The following MAP3K13 variants were observed in gnomAD, a reference collection of about 807,000 sequenced individuals.
The protein encoded by MAP3K13 is mitogen-activated protein kinase kinase kinase 13, also known as leucine zipper-bearing kinase.
Under a neutral mutation model 104.0 loss-of-function variants are expected in MAP3K13, and 52 were observed. The ratio of observed to expected loss-of-function variants is 0.50; its 90% CI spans 0.40 to 0.63. MAP3K13 has a LOEUF of 0.63. Ranked by LOEUF, MAP3K13 falls within the 20% of genes least tolerant of loss-of-function variation. The probability of loss-of-function intolerance (pLI) is 0.00; values close to 1 mark genes in which losing one functional copy is unlikely to be tolerated. For synonymous variants in MAP3K13, 394 were observed against 442.2 expected (o/e 0.89, Z 1.37); for missense variants, 914 against 1,218.5 (o/e 0.75, Z 3.72).
chr3:185,306,197 G>A (rs891406955), intron 2 of MAP3K13, among the ~76,000 whole-genome samples: 1 of 152,132 alleles, frequency 6.6e-6, no homozygotes, highest in African/African-American at 2.4e-5. Flanking sequence ...GGGCACCTAG[G>A]TTGATTTCAT....
chr3:185,436,451 A>G (rs886314239), intron 2 of MAP3K13, among the ~76,000 whole-genome samples: 4 of 152,162 alleles, frequency 2.6e-5, no homozygotes, highest in Non-Finnish European at 5.9e-5. Context: ...AAATTGGCCA[A>G]TCCTGGGATT....
chr3:185,418,553 T>C lies in MAP3K13; in HGVS notation c.-85-9944T>C. On this transcript the variant is annotated intron_variant, in intron 1 of 13. Transcript: ENST00000265026. This position sits in a 1 kb window ranked among gnomAD's most constrained non-coding sequence, Gnocchi z 4.5. ...GTCCCACCACCTCGAACTCTGGGAA[T>C]TCGAGCCATAGCTCTGCCAGTACCC... 1 of 1,612,248 alleles carries C rather than the reference T, an allele frequency of 6.2e-7. No individual in the cohort carries two copies. Among genetic ancestry groups the C allele is most frequent in the African/African-American group, 1.3e-5 (1 of 75,010 alleles).
Position 185,465,224 on chromosome 3 carries a change from C to G in MAP3K13, c.1389-523C>G, listed in dbSNP as rs564580840. Among the ~76,000 whole-genome samples, 5 of 152,298 alleles carry G rather than the reference C, an allele frequency of 3.3e-5. No homozygotes were observed. In the South Asian group the frequency reaches 1.0e-3, roughly 32 times the overall value. On this transcript the variant is annotated intron_variant, in intron 8 of 13. Transcript: ENST00000265026. ...AACTCCTGACCTCGTGATCCACCTGCCTCAGCCTCCCAAAATGCTGGGATT... is the reference window on the plus strand; with the variant it reads ...AACTCCTGACCTCGTGATCCACCTGGCTCAGCCTCCCAAAATGCTGGGATT...
intron 10 of MAP3K13, among the ~76,000 whole-genome samples, chr3:185,469,264 T>C (rs1237509554): frequency 6.6e-6 from 1 of 152,190 alleles, no homozygotes; most frequent in Non-Finnish European, 1.5e-5. Context: ...ATTTCCAGCC[T>C]GTCATAAGTG....
intron 3 of MAP3K13, among the ~76,000 whole-genome samples, chr3:185,442,564 C>T (rs1220963596): frequency 6.7e-5 from 10 of 149,728 alleles, no homozygotes; most frequent in African/African-American, 2.0e-4. Context: ...GACAGAGTCT[C>T]ACTCTGTCAC....
intron 2 of MAP3K13, among the ~76,000 whole-genome samples, chr3:185,316,245 G>C (rs1002759089): frequency 6.6e-6 from 1 of 152,120 alleles, no homozygotes; most frequent in African/African-American, 2.4e-5. Context: ...TCTCTATATT[G>C]CAATAACTTT....
intron 2 of MAP3K13, among the ~76,000 whole-genome samples, chr3:185,316,139 C>G (rs565770921): frequency 9.2e-5 from 14 of 151,968 alleles, no homozygotes; most frequent in Non-Finnish European, 1.5e-4. Flanking sequence ...TATATTTGAG[C>G]TAAAATATGT....
At chr3:185,356,082 A>C (rs1723339431) in intron 2 of MAP3K13, among the ~76,000 whole-genome samples, 1 of 152,194 alleles carries the variant, frequency 6.6e-6, no homozygotes, top group South Asian at 2.1e-4. Flanking sequence ...AAAATATCAA[A>C]GATACAGCTT....
chr3:185,311,610 A>T (rs958205192), intron 2 of MAP3K13, among the ~76,000 whole-genome samples: 4 of 152,208 alleles, frequency 2.6e-5, no homozygotes, highest in African/African-American at 9.6e-5. Flanking sequence ...CCTCAGGCTC[A>T]TCAAGGTTCC....
chr3:185,480,302 G>A lies in MAP3K13; in HGVS notation c.2572G>A (p.Gly858Arg). ...CTCTGAGAATTTCTCTGTGTCTGAT[G>A]GAGAAGAGGGAAATACCAGTGACCA... ...FSSENFSVSD[G>R]EEGNTSDHSN... Residue 858 changes from glycine to arginine, a missense_variant, in exon 13 of 14, where the codon GGA becomes AGA. This residue lies in a region of MAP3K13 where 583 missense variants were observed against 737.4 expected (regional missense o/e 0.79). Coordinates refer to ENST00000265026, the MANE Select transcript of MAP3K13 (RefSeq NM_004721.5). The A allele has an allele frequency of 6.2e-7, 1 of 1,614,202 alleles. No individual in the cohort carries two copies. Among genetic ancestry groups the A allele is most frequent in the African/African-American group, 1.3e-5 (1 of 75,038 alleles).
intron 1 of MAP3K13, among the ~76,000 whole-genome samples, chr3:185,384,606 C>T (rs1711572485): frequency 6.6e-6 from 1 of 152,166 alleles, no homozygotes; most frequent in African/African-American, 2.4e-5. Flanking sequence ...GTTTCCCTTT[C>T]ACCACATCCT....
intron 1 of MAP3K13, among the ~76,000 whole-genome samples, chr3:185,396,025 G>T (rs1481468606): frequency 3.3e-5 from 5 of 151,818 alleles, no homozygotes; most frequent in Admixed American, 6.6e-5. Context: ...ATTATTACTG[G>T]TTTCCTTTTT....
intron 8 of MAP3K13, among the ~76,000 whole-genome samples, chr3:185,465,393 G>A (rs1717353758): frequency 6.6e-6 from 1 of 152,216 alleles, no homozygotes; most frequent in Non-Finnish European, 1.5e-5. Flanking sequence ...CCGTGGCTAA[G>A]TGTAAATGAG....
intron 2 of MAP3K13, among the ~76,000 whole-genome samples, chr3:185,308,394 A>C (rs1285028461): frequency 2.6e-5 from 4 of 152,134 alleles, no homozygotes; most frequent in Non-Finnish European, 5.9e-5. Flanking sequence ...AGGCATGCAA[A>C]AGTTGCCAGT....
chr3:185,382,942 T>C (rs1724799019), intron 1 of MAP3K13, among the ~76,000 whole-genome samples: 1 of 151,976 alleles, frequency 6.6e-6, no homozygotes, highest in Non-Finnish European at 1.5e-5. Flanking sequence ...ACATGTGCCA[T>C]GCTGGTGCGC....
At chr3:185,359,490 G>A (rs1478502306), upstream of MAP3K13, among the ~76,000 whole-genome samples, 1 of 152,144 alleles carries the variant, frequency 6.6e-6, no homozygotes, top group Non-Finnish European at 1.5e-5. Flanking sequence ...CTGCACAGTT[G>A]TTGAAATTTC....
At chr3:185,319,416 A>G (rs1401164002) in intron 2 of MAP3K13, among the ~76,000 whole-genome samples, 2 of 152,262 alleles carry the variant, frequency 1.3e-5, no homozygotes, top group African/African-American at 4.8e-5. Context: ...GATAGATGAT[A>G]TGTGTGCAAT....
rs371424532 is a variant in MAP3K13 at position 185,421,249 on chromosome 3, AGT to A, written c.-85-7246_-85-7245del. On this transcript the variant is annotated intron_variant, in intron 1 of 13. Transcript: ENST00000265026. ...CCCTCTATTGCCCAGGCTGAAGTGC[AGT>A]GGCAGCATCTCGGTTCACTGCATTC... Among the ~76,000 whole-genome samples the A allele has an allele frequency of 3.2e-3, 485 of 151,754 alleles. 5 individuals are homozygous for A. Among genetic ancestry groups the A allele is most frequent in the African/African-American group, 0.011 (457 of 41,352 alleles).
At chr3:185,370,714 A>G (rs905739846) in intron 1 of MAP3K13, among the ~76,000 whole-genome samples, 2 of 142,834 alleles carry the variant, frequency 1.4e-5, no homozygotes, top group Admixed American at 7.3e-5. Flanking sequence ...ATAAATGTCA[A>G]TTGTCTTGAC....
Sources: allele counts gnomAD v4.1 joint callset (sites outside exome capture counted in the v4.1 genomes callset), GRCh38; gene constraint gnomAD v4.1.1; regional missense constraint gnomAD v4.1.1; non-coding constraint Gnocchi (gnomAD v3.1); transcripts MANE v1.5; gene names NCBI Gene and HGNC (gene_info 2026-07-23, HGNC 2026-07-21).